Variants in NXF3 observed in about 807,000 individuals in gnomAD.
NXF3 encodes the protein TAP-like protein 3.
NXF3 carries 34 observed loss-of-function variants against 48.4 expected under a neutral mutation model. That is an observed-to-expected ratio of 0.70 (90% CI 0.53 to 0.93). The LOEUF is 0.93. Among genes scored for constraint, NXF3 ranks in the 40% least tolerant of loss-of-function variants. The pLI, the probability that NXF3 is intolerant of heterozygous loss-of-function variation, is 0.00. For missense variants in NXF3, 359 were observed against 406.1 expected, an observed-to-expected ratio of 0.88 and a Z score of 1.00; for synonymous variants, 132 against 145.7, an observed-to-expected ratio of 0.91 and a Z score of 0.68.
intron 1 of NXF3, chrX:103,087,090 G>A (rs1164284678): frequency 8.0e-6 from 3 of 374,445 alleles, no homozygotes; most frequent in Non-Finnish European, 9.3e-6. Flanking sequence ...TCCTCACATC[G>A]TTTTAATGGT....
chrX:103,080,471 G>T, intron 10 of NXF3, 105 bp downstream of exon 10: 1 of 861,744 alleles, frequency 1.2e-6, no homozygotes. Flanking sequence ...AGGTTTAAGG[G>T]TTAGCTCCAA....
rs754027410 is a variant in NXF3, at chrX:103,093,078, G to T, written c.-55C>A. 1.8e-6 allele frequency: 2 copies of T among 1,113,675 alleles called. No individual in the cohort carries two copies. The highest frequency in any genetic ancestry group is 2.5e-6 in the Non-Finnish European group (2 of 809,825). 91.8% of individuals were successfully genotyped at this position (1,113,675 alleles called of 1,213,427 possible). On this transcript the variant is annotated 5_prime_UTR_variant, in exon 1 of 20. Coordinates refer to ENST00000395065, the MANE Select transcript of NXF3 (RefSeq NM_022052.2). ...AGGAGAATCTGTGTGGCCTGGGGACGGGAGTTTGGAGAAGATTGAGGAGGG... is the reference window on the plus strand; with the variant it reads ...AGGAGAATCTGTGTGGCCTGGGGACTGGAGTTTGGAGAAGATTGAGGAGGG...
chrX:103,084,680 G>A (rs1284169934), intron 2 of NXF3, 35 bp downstream of exon 2: 2 of 1,196,116 alleles, frequency 1.7e-6, no homozygotes, highest in Middle Eastern at 2.3e-4. Flanking sequence ...TCACTGGCTG[G>A]TACATTCCAG....
chrX:103,085,001 ACTGCC>A, intron 1 of NXF3, 118 bp from the exon 2 acceptor site: 2 of 671,760 alleles, frequency 3.0e-6, no homozygotes, highest in Non-Finnish European at 4.6e-6. Context: ...ATCTGGCTCT[ACTGCC>A]CAGACTGTAG....
At chrX:103,085,920 A>AAAAAAAAG (rs1922140355) in intron 1 of NXF3, among the ~76,000 whole-genome samples, 1 of 103,784 alleles carries the variant, frequency 9.6e-6, no homozygotes, top group African/African-American at 3.6e-5. Flanking sequence ...AAAAAAAAAA[A>AAAAAAAAG]AAAGAAAGAA....
chrX:103,093,127 C>T lies in NXF3; in HGVS notation c.-104G>A. The T allele has an allele frequency of 5.2e-6, 4 of 767,267 alleles. No homozygotes were observed. Among genetic ancestry groups the T allele is most frequent in the Non-Finnish European group, 7.9e-6 (4 of 503,247 alleles). 63.2% of individuals were successfully genotyped at this position (767,267 alleles called of 1,213,427 possible). Reference sequence around the variant, plus strand: ...GGCTGCTGACGAAGGCGAGAGCAAGCCTCAAGCCTTGCTTACAGGAAGTTC... The same window carrying T: ...GGCTGCTGACGAAGGCGAGAGCAAGTCTCAAGCCTTGCTTACAGGAAGTTC... On this transcript the variant is annotated 5_prime_UTR_variant, in exon 1 of 20. Coordinates refer to ENST00000395065, the MANE Select transcript of NXF3 (RefSeq NM_022052.2).
chrX:103,088,726 G>A, intron 1 of NXF3: 1 of 1,058,038 alleles, frequency 9.5e-7, no homozygotes, highest in Non-Finnish European at 1.3e-6. Flanking sequence ...GTTAATATTT[G>A]TAGGAAATCT....
In NXF3 at chrX:103,088,919, A is replaced by G; in HGVS notation, c.29-4036T>C. 3 of 1,195,307 alleles carry G rather than the reference A, an allele frequency of 2.5e-6. No individual in the cohort carries two copies. In the South Asian group the frequency reaches 5.3e-5, roughly 21 times the overall value. On this transcript the variant is annotated intron_variant, in intron 1 of 19. Coordinates refer to ENST00000395065, the MANE Select transcript of NXF3 (RefSeq NM_022052.2). ...CTGGTGTTCAAAAATACGAGGTCTC[A>G]GAGTCAGATCAAATGTCAGGAGTTA...
At chrX:103,087,597 C>A in intron 1 of NXF3, 1 of 962,365 alleles carries the variant, frequency 1.0e-6, no homozygotes, top group Non-Finnish European at 1.5e-6. Flanking sequence ...ATACTTTTAC[C>A]AGAGGAAAGA....
Position 103,083,381 on chromosome X carries a change from A to C in NXF3, c.540+17T>G. 4 of 1,188,850 alleles carry C rather than the reference A, an allele frequency of 3.4e-6. No individual in the cohort carries two copies. Among genetic ancestry groups the C allele is most frequent in the Non-Finnish European group, 4.6e-6 (4 of 875,020 alleles). On this transcript the variant is annotated intron_variant, in intron 5 of 19. Transcript: ENST00000395065. ...CTCTTGCTCGATGCTAGCCCTGGTC[A>C]TTCATTTGACACACACCTTTTCATT...
At chrX:103,087,160 C>T (rs776154785) in intron 1 of NXF3, 62 of 546,273 alleles carry the variant, frequency 1.1e-4, no homozygotes, top group African/African-American at 2.5e-4. Flanking sequence ...GGTGTAGGAA[C>T]GCTATGGAGC....
chrX:103,082,273 T>C lies in NXF3; in HGVS notation c.872A>G (p.Asp291Gly), dbSNP rs762163286. ...DRSPVCTTFS[D>G]TSSNINSILE... is the part of the protein sequence containing the mutation. ...AACTGACTTTATGTTGCTGGAGGTA[T>C]CCGAGAAGGTCGTGCACACTGGGCT... Residue 291 changes from aspartate to glycine, a missense_variant, in exon 9 of 20, where the codon GAT (aspartate) becomes GGT (glycine). Transcript: ENST00000395065. 2 of 1,203,183 alleles carry C rather than the reference T, an allele frequency of 1.7e-6. No individual in the cohort carries two copies. Among genetic ancestry groups the C allele is most frequent in the South Asian group, 1.8e-5 (1 of 56,715 alleles).
intron 9 of NXF3, 143 bp downstream of exon 9, chrX:103,082,112 T>A: frequency 1.9e-6 from 1 of 517,867 alleles, no homozygotes; most frequent in East Asian, 3.3e-5. Context: ...CACAGATGAA[T>A]GAGTGACACA....
chrX:103,089,816 A>G (rs375841082), intron 1 of NXF3, among the ~76,000 whole-genome samples: 6 of 112,235 alleles, frequency 5.3e-5, no homozygotes, highest in South Asian at 7.3e-4. Flanking sequence ...AATGGATGAG[A>G]AAATTATAGT....
rs189593539 is a variant in NXF3, at chrX:103,076,712, A to G, written c.1585-411T>C. Among the ~76,000 whole-genome samples the G allele has an allele frequency of 3.7e-3, 405 of 110,548 alleles. 1 individual carries two copies. Among genetic ancestry groups the G allele is most frequent in the Middle Eastern group, 9.2e-3 (2 of 217 alleles). On this transcript the variant is annotated intron_variant, in intron 18 of 19. Transcript: ENST00000395065. ...TTAAAATTTCACCATGACAATGTAAATTGATAGCTTATCTTTACAGGTACA... is the reference window on the plus strand; with the variant it reads ...TTAAAATTTCACCATGACAATGTAAGTTGATAGCTTATCTTTACAGGTACA...
In NXF3 at chrX:103,079,242, C is replaced by T. The variant is rs1247045818; in HGVS notation, c.1357G>A (p.Val453Ile). 2 of 1,211,463 alleles carry T rather than the reference C, an allele frequency of 1.7e-6. No homozygotes were observed. Among genetic ancestry groups the T allele is most frequent in the South Asian group, 3.5e-5 (2 of 56,995 alleles). The part of the protein sequence containing the change: ...YQTEWMLCFS[V>I]NGVFKEVEGQ... ...TCACCTTCCTTGAACACCCCGTTGA[C>T]AGAAAAGCAGAGCATCCATTCCTGA... Residue 453 changes from valine (V) to isoleucine (I), a missense_variant, in exon 16 of 20, where the codon GTC (valine) becomes ATC (isoleucine). Coordinates refer to ENST00000395065, the MANE Select transcript of NXF3 (RefSeq NM_022052.2).
rs1355603575 is a variant in NXF3 at position 103,086,279 on chromosome X, C to T, written c.29-1396G>A. 5.4e-5 allele frequency among the ~76,000 whole-genome samples: 6 copies of T among 110,742 alleles called. No individual in the cohort carries two copies. In the East Asian group the frequency reaches 1.4e-3, roughly 26 times the overall value. ...CAAAAAAATTAGCCGGGGGTGGTGG[C>T]GGGCGCCTGTGGTCCCAGCTACTCA... On this transcript the variant is annotated intron_variant, in intron 1 of 19. Transcript: ENST00000395065.
At chrX:103,088,611 C>T in intron 1 of NXF3, 1 of 972,805 alleles carries the variant, frequency 1.0e-6, no homozygotes, top group Non-Finnish European at 1.4e-6. Flanking sequence ...AACATACGTA[C>T]TAGACATAAG....
chrX:103,089,496 C>T (rs745900833), intron 1 of NXF3, among the ~76,000 whole-genome samples: 1 of 112,011 alleles, frequency 8.9e-6, no homozygotes, highest in South Asian at 3.7e-4. Context: ...TGATTTGATG[C>T]TATAAAGTAG....
Sources: allele counts gnomAD v4.1 joint callset (sites outside exome capture counted in the v4.1 genomes callset), GRCh38; gene constraint gnomAD v4.1.1; transcripts MANE v1.5; gene names NCBI Gene and HGNC (gene_info 2026-07-23, HGNC 2026-07-21).